RINT1: variants seen among roughly 807,000 people sequenced by gnomAD.
The protein encoded by RINT1 is RAD50-interacting protein 1.
In RINT1, 75 loss-of-function variants were observed where a neutral mutation model predicts 97.7. The ratio of observed to expected loss-of-function variants is 0.77; its 90% confidence interval spans 0.64 to 0.93. RINT1 has a LOEUF of 0.93. Ranked by LOEUF, RINT1 falls within the 40% of genes least tolerant of loss-of-function variation. The probability of loss-of-function intolerance (pLI) is 0.00; values close to 1 mark genes in which losing one functional copy is unlikely to be tolerated. For synonymous variants in RINT1, 303 were observed against 326.3 expected, an observed-to-expected ratio of 0.93 and a Z score of 0.77; for missense variants, 892 against 925.2, an observed-to-expected ratio of 0.96 and a Z score of 0.47.
chr7:105,553,302 T>G (rs993704760), intron 10 of RINT1, among the ~76,000 whole-genome samples: 1 of 151,984 alleles, frequency 6.6e-6, no homozygotes, highest in Non-Finnish European at 1.5e-5. Flanking sequence ...CTCGGCTTAC[T>G]GCAACCTCCG....
At chr7:105,538,271 A>G (rs1045098945) in intron 3 of RINT1, among the ~76,000 whole-genome samples, 5 of 152,180 alleles carry the variant, frequency 3.3e-5, no homozygotes, top group Non-Finnish European at 5.9e-5. Context: ...GGTTACAGGC[A>G]TGAGCCACCA....
intron 11 of RINT1, among the ~76,000 whole-genome samples, chr7:105,560,294 G>T (rs1791382999): frequency 6.6e-6 from 1 of 152,128 alleles, no homozygotes; most frequent in African/African-American, 2.4e-5. Context: ...CAAGTTATGT[G>T]TGCATCCCTG....
intron 11 of RINT1, among the ~76,000 whole-genome samples, chr7:105,556,760 G>A (rs1430435740): frequency 2.0e-5 from 3 of 152,032 alleles, no homozygotes; most frequent in African/African-American, 4.8e-5. Flanking sequence ...TTATTAAGTA[G>A]TAATTTATTT....
intron 7 of RINT1, among the ~76,000 whole-genome samples, chr7:105,549,662 T>G (rs1483275189): frequency 6.6e-6 from 1 of 152,230 alleles, no homozygotes; most frequent in Non-Finnish European, 1.5e-5. Flanking sequence ...AATTTTTTTC[T>G]TGATTTACTT....
At chr7:105,548,445 T>G in intron 6 of RINT1, 109 bp from the exon 7 acceptor site, 2 of 907,656 alleles carry the variant, frequency 2.2e-6, no homozygotes, top group East Asian at 2.4e-5. Context: ...TTAACTCTAC[T>G]GAGTATCTGA....
Position 105,542,667 on chromosome 7 carries a change from G to A in RINT1, c.515+18G>A, listed in dbSNP as rs1790507724. Reference sequence around the variant, plus strand: ...GAACTAAGGTAAAATGGGCCTCTTTGTTCTCACAATTACTATTTTCCTTTG... The same window carrying A: ...GAACTAAGGTAAAATGGGCCTCTTTATTCTCACAATTACTATTTTCCTTTG... On this transcript the variant is annotated intron_variant, in intron 4 of 14. Coordinates refer to ENST00000257700, the MANE Select transcript of RINT1 (RefSeq NM_021930.6). 6.2e-7 allele frequency: 1 copy of A among 1,609,592 alleles called. No individual in the cohort carries two copies. The highest frequency in any genetic ancestry group is 1.7e-5 in the Admixed American group (1 of 59,114).
chr7:105,560,738 G>C (rs1003197206), intron 11 of RINT1, among the ~76,000 whole-genome samples: 2 of 148,308 alleles, frequency 1.3e-5, no homozygotes, highest in Admixed American at 6.7e-5. Context: ...TTTTTTTTTT[G>C]AGACAAGAGT....
At chr7:105,564,959 G>A (rs1208907835) in intron 12 of RINT1, among the ~76,000 whole-genome samples, 1 of 151,756 alleles carries the variant, frequency 6.6e-6, no homozygotes, top group East Asian at 1.9e-4. Flanking sequence ...GCGAGACTCT[G>A]TCTCAAAAAA....
rs1010150592 is a variant in RINT1, at chr7:105,564,046, C to T, written c.1886+99C>T. ...GGTGTCTAGATAGAACCCGGTTTGG[C>T]CTTATGTACTTTATTGTTGATGGAA... On this transcript the variant is annotated intron_variant, in intron 12 of 14. Transcript: ENST00000257700. 13 of 792,594 alleles carry T rather than the reference C, an allele frequency of 1.6e-5. No individual in the cohort carries two copies. In the African/African-American group the frequency reaches 2.1e-4, roughly 13 times the overall value. The allele number at this position is 792,594 out of a possible 1,614,324, so 49.1% of individuals were successfully genotyped here.
At chr7:105,549,277 G>C (rs182778870) in intron 7 of RINT1, among the ~76,000 whole-genome samples, 1 of 149,878 alleles carries the variant, frequency 6.7e-6, no homozygotes, top group Admixed American at 6.7e-5. Context: ...GTGAGCCACT[G>C]CGCCTGGCAT....
intron 3 of RINT1, 52 bp downstream of exon 3, chr7:105,536,801 A>G (rs1378367915): frequency 9.1e-7 from 1 of 1,097,456 alleles, no homozygotes; most frequent in African/African-American, 1.6e-5. Flanking sequence ...TTTTAACAAT[A>G]TAATATAAAC....
At chr7:105,546,767 T>C (rs911186356) in intron 4 of RINT1, 143 bp from the exon 5 acceptor site, 1 of 604,078 alleles carries the variant, frequency 1.7e-6, no homozygotes, top group African/African-American at 1.9e-5. Flanking sequence ...TCCCAGCTAC[T>C]GTGGAGGCTG....
chr7:105,539,748 T>G (rs1790383525), intron 3 of RINT1, among the ~76,000 whole-genome samples: 1 of 152,164 alleles, frequency 6.6e-6, no homozygotes, highest in Non-Finnish European at 1.5e-5. Flanking sequence ...CAGTCTTACT[T>G]CAGACTTACT....
chr7:105,562,420 A>AT (rs955275222), intron 11 of RINT1, among the ~76,000 whole-genome samples: 7 of 151,878 alleles, frequency 4.6e-5, no homozygotes, highest in Non-Finnish European at 1.0e-4. Flanking sequence ...CTAATTTTTA[A>AT]TTTTTTTCTA....
intron 3 of RINT1, among the ~76,000 whole-genome samples, chr7:105,541,310 T>C (rs377551471): frequency 1.3e-5 from 2 of 150,046 alleles, no homozygotes; most frequent in East Asian, 2.0e-4. Flanking sequence ...CTAGTTTTTG[T>C]ATTTTTAGTA....
intron 2 of RINT1, among the ~76,000 whole-genome samples, chr7:105,534,024 C>T (rs1790130667): frequency 6.6e-6 from 1 of 151,952 alleles, no homozygotes; most frequent in Non-Finnish European, 1.5e-5. Context: ...AATGTCATTT[C>T]ACTAAGAATG....
In RINT1 at chr7:105,550,172, G is replaced by T. The variant is rs1044726326; in HGVS notation, c.1107+7G>T. ...CTCTTTGGTAAACGCAAGGGTAAGA[G>T]ACTCAGTCATAAGTGTTTCTGTTTT... On this transcript the variant is annotated splice_region_variant and intron_variant, in intron 8 of 14. Coordinates refer to ENST00000257700, the MANE Select transcript of RINT1 (RefSeq NM_021930.6). 1.9e-6 allele frequency: 3 copies of T among 1,608,256 alleles called. No individual in the cohort carries two copies. The highest frequency in any genetic ancestry group is 2.6e-6 in the Non-Finnish European group (3 of 1,174,924).
In RINT1 at chr7:105,555,139, C is replaced by G. The variant is rs1006861924; in HGVS notation, c.1583C>G (p.Thr528Ser). Reference sequence around the variant, plus strand: ...TTAACACAAGTGATGAAAGAAGAGACTAGAGCTTCCCTTGGCTTTCGATAC... The same window carrying G: ...TTAACACAAGTGATGAAAGAAGAGAGTAGAGCTTCCCTTGGCTTTCGATAC... The part of the protein sequence containing the change: ...IRLTQVMKEE[T>S]RASLGFRYCA... The change falls in exon 11 of 15, where the codon ACT becomes AGT. Residue 528 changes from threonine (T) to serine (S), a missense_variant. Physicochemically the swap from Thr to Ser is moderately conservative, Grantham distance 58. Coordinates refer to ENST00000257700, the MANE Select transcript of RINT1 (RefSeq NM_021930.6). 2.5e-6 allele frequency: 4 copies of G among 1,613,958 alleles called. No individual in the cohort carries two copies. In the African/African-American group the frequency reaches 4.0e-5, roughly 16 times the overall value.
In RINT1 at chr7:105,536,754, G is replaced by A. The variant is rs1790253207; in HGVS notation, c.273+5G>A. On this transcript the variant is annotated splice_donor_5th_base_variant and intron_variant, in intron 3 of 14. Coordinates refer to ENST00000257700, the MANE Select transcript of RINT1 (RefSeq NM_021930.6). ...AAAATGCAGTTAGAAGAACAGGTAA[G>A]TATTGAAACTCACTGAAATAATTAT... is the stretch of plus-strand genomic sequence containing the variant. 1.3e-6 allele frequency: 2 copies of A among 1,537,444 alleles called. No individual in the cohort carries two copies. Among genetic ancestry groups the A allele is most frequent in the East Asian group, 2.3e-5 (1 of 44,032 alleles).
Sources: gnomAD v4.1 joint callset for allele counts (sites outside exome capture counted in the v4.1 genomes callset) on GRCh38, gnomAD v4.1.1 for gene constraint, MANE v1.5 for transcripts, NCBI Gene and HGNC (gene_info 2026-07-23, HGNC 2026-07-21) for gene names.